Variants in NLGN4X observed in about 807,000 individuals in gnomAD.
The protein encoded by NLGN4X is neuroligin-4, X-linked.
NLGN4X carries 3 observed loss-of-function variants against 40.3 expected under a neutral mutation model. That is an observed-to-expected ratio of 0.07 (90% confidence interval 0.03 to 0.19). The LOEUF is 0.19. Among genes scored for constraint, NLGN4X ranks in the 10% least tolerant of loss-of-function variants. The pLI is 1.00. For synonymous variants in NLGN4X, 270 were observed against 306.8 expected (o/e 0.88, Z 1.25); for missense variants, 382 against 708.3 (o/e 0.54, Z 5.23).
chrX:6,103,635 G>T (rs922844343), intron 2 of NLGN4X, among the ~76,000 whole-genome samples: 13 of 111,625 alleles, frequency 1.2e-4, no homozygotes, highest in African/African-American at 4.2e-4. Flanking sequence ...CCATCATTTG[G>T]ATATTCTACC....
At chrX:6,034,260 T>G (rs1229414150) in intron 2 of NLGN4X, among the ~76,000 whole-genome samples, 2 of 112,033 alleles carry the variant, frequency 1.8e-5, no homozygotes, top group Non-Finnish European at 3.8e-5. Flanking sequence ...TTGTGTCTGG[T>G]TTCTTTTACT....
chrX:5,947,706 A>AAAGACATT (rs2034174778), intron 3 of NLGN4X, among the ~76,000 whole-genome samples: 3 of 112,247 alleles, frequency 2.7e-5, no homozygotes, highest in African/African-American at 9.7e-5. Flanking sequence ...ACGTGGATGT[A>AAAGACATT]AAGACATTTC....
At chrX:6,003,054 T>C (rs1404298818) in intron 3 of NLGN4X, among the ~76,000 whole-genome samples, 2 of 111,630 alleles carry the variant, frequency 1.8e-5, no homozygotes, top group African/African-American at 3.3e-5. Context: ...TGTGACCTGA[T>C]TGCTCCTGGA....
In NLGN4X at chrX:5,893,104, C is replaced by T. The variant is rs776860630; in HGVS notation, c.2164G>A (p.Ala722Thr). The T allele has an allele frequency of 3.3e-6, 4 of 1,211,375 alleles. No homozygotes were observed. The highest frequency in any genetic ancestry group is 4.5e-6 in the Non-Finnish European group (4 of 895,411). The change falls in exon 6 of 6, where the codon GCT (alanine) becomes ACT (threonine). Residue 722 changes from alanine to threonine, a missense_variant. Physicochemically the swap from Ala to Thr is moderately conservative, Grantham distance 58. Coordinates refer to ENST00000381095, the MANE Select transcript of NLGN4X (RefSeq NM_181332.3). ...ATGATCTCTTCGTTCTGGATGTGAG[C>T]GATATCATTTGTGGTGTTTCTCTGG... ...SPQRNTTNDI[A>T]HIQNEEIMSL... is the part of the protein sequence containing the mutation.
At chrX:6,223,463 T>C (rs755708527) in intron 1 of NLGN4X, among the ~76,000 whole-genome samples, 88 of 112,533 alleles carry the variant, frequency 7.8e-4, no homozygotes, top group Admixed American at 1.6e-3. Context: ...TTTTCATCTA[T>C]ACATTTATTC....
chrX:6,123,034 G>T (rs2039459075), intron 2 of NLGN4X, among the ~76,000 whole-genome samples: 1 of 108,072 alleles, frequency 9.3e-6, no homozygotes, highest in African/African-American at 3.4e-5. Flanking sequence ...CCCAGAAAGA[G>T]AACAAAGAGA....
chrX:6,119,093 T>C (rs1248866401), intron 2 of NLGN4X, among the ~76,000 whole-genome samples: 3 of 112,217 alleles, frequency 2.7e-5, no homozygotes, highest in Non-Finnish European at 5.6e-5. Context: ...TACTCCAAAA[T>C]AACTTCCTTA....
intron 5 of NLGN4X, among the ~76,000 whole-genome samples, chrX:5,898,968 C>T (rs2031685677): frequency 8.9e-6 from 1 of 112,111 alleles, no homozygotes; most frequent in African/African-American, 3.2e-5. Flanking sequence ...TAACTACCAA[C>T]TGCAACTGAA....
intron 2 of NLGN4X, among the ~76,000 whole-genome samples, chrX:6,069,468 CAG>C (rs1255243305): frequency 9.0e-6 from 1 of 111,377 alleles, no homozygotes; most frequent in African/African-American, 3.3e-5. Flanking sequence ...ATTAATGCAA[CAG>C]AAACAAAATT....
intron 3 of NLGN4X, among the ~76,000 whole-genome samples, chrX:5,923,861 T>C (rs1012975007): frequency 6.3e-5 from 7 of 111,637 alleles, no homozygotes; most frequent in African/African-American, 2.3e-4. Flanking sequence ...TTATGTGTGA[T>C]GTCTGTATTT....
In NLGN4X at chrX:5,906,762, G is replaced by A. The variant is rs1429800658; in HGVS notation, c.811+2292C>T. ...CTCCTGGGCTCAAGCCATCCTCCCC[G>A]CTCAGCCTCCCAAAGTGCTGGGATA... On this transcript the variant is annotated intron_variant, in intron 4 of 5. Coordinates refer to ENST00000381095, the MANE Select transcript of NLGN4X (RefSeq NM_181332.3). Among the ~76,000 whole-genome samples, 3 of 111,053 alleles carry A rather than the reference G, an allele frequency of 2.7e-5. 1 individual carries two copies. The highest frequency in any genetic ancestry group is 7.7e-4 in the South Asian group (2 of 2,602).
At chrX:6,030,201 C>T (rs1391477178) in intron 2 of NLGN4X, among the ~76,000 whole-genome samples, 1 of 111,553 alleles carries the variant, frequency 9.0e-6, no homozygotes, top group Non-Finnish European at 1.9e-5. Context: ...ACCAATGATT[C>T]CTCTTGGTAA....
intron 3 of NLGN4X, among the ~76,000 whole-genome samples, chrX:5,957,378 G>A (rs1365286162): frequency 8.9e-6 from 1 of 111,757 alleles, no homozygotes; most frequent in Admixed American, 9.6e-5. Context: ...GGATTTAAGA[G>A]GTTTTCACAT....
intron 3 of NLGN4X, among the ~76,000 whole-genome samples, chrX:5,923,273 T>C (rs2033143632): frequency 8.9e-6 from 1 of 112,132 alleles, no homozygotes. Context: ...CCCAAGTAGC[T>C]GGGAATACAC....
At chrX:5,908,358 G>C (rs2032313134) in intron 4 of NLGN4X, among the ~76,000 whole-genome samples, 1 of 111,151 alleles carries the variant, frequency 9.0e-6, no homozygotes, top group Non-Finnish European at 1.9e-5. Flanking sequence ...ATGAATTAGA[G>C]AGAGGAGCGA....
At chrX:6,208,523 C>T (rs1458496578) in intron 1 of NLGN4X, among the ~76,000 whole-genome samples, 1 of 112,189 alleles carries the variant, frequency 8.9e-6, no homozygotes, top group African/African-American at 3.2e-5. Context: ...TCTCTCATTG[C>T]ACTCTTTGCC....
At chrX:5,930,351 C>A (rs1244476846) in intron 3 of NLGN4X, among the ~76,000 whole-genome samples, 1 of 111,915 alleles carries the variant, frequency 8.9e-6, no homozygotes, top group Non-Finnish European at 1.9e-5. Flanking sequence ...ACGGTGTGCC[C>A]TTATACCAGC....
chrX:6,121,300 C>T (rs745462711), intron 2 of NLGN4X, among the ~76,000 whole-genome samples: 2 of 86,844 alleles, frequency 2.3e-5, no homozygotes, highest in East Asian at 7.2e-4. Flanking sequence ...CTAACATCCA[C>T]TGCATTGTTG....
intron 2 of NLGN4X, among the ~76,000 whole-genome samples, chrX:6,051,359 C>T (rs1318540930): frequency 9.0e-6 from 1 of 111,720 alleles, no homozygotes; most frequent in Non-Finnish European, 1.9e-5. Context: ...TAAAAAGGTA[C>T]TACTGCAGGG....
Sources: allele counts gnomAD v4.1 joint callset (sites outside exome capture counted in the v4.1 genomes callset), GRCh38; gene constraint gnomAD v4.1.1; transcripts MANE v1.5; gene names NCBI Gene and HGNC (gene_info 2026-07-23, HGNC 2026-07-21).